The following KCNIP4 variants were observed in gnomAD, a reference collection of about 807,000 sequenced individuals.
KCNIP4 encodes the protein Kv channel-interacting protein 4.
KCNIP4 carries 12 observed loss-of-function variants against 34.0 expected under a neutral mutation model. The observed-to-expected ratio is 0.35, with a 90% CI of 0.23 to 0.57. The LOEUF (loss-of-function observed/expected upper bound fraction) is 0.57, where lower values mean the gene tolerates loss of function less well. Among genes scored for constraint, KCNIP4 ranks in the 20% least tolerant of loss-of-function variants. The pLI is 0.83. For synonymous variants in KCNIP4, 124 were observed against 102.2 expected (o/e 1.21, Z -1.29); for missense variants, 238 against 311.7 (o/e 0.76, Z 1.78).
intron 1 of KCNIP4, among the ~76,000 whole-genome samples, chr4:21,382,960 T>C (rs1454010510): frequency 6.6e-6 from 1 of 152,214 alleles, no homozygotes; most frequent in Non-Finnish European, 1.5e-5. Flanking sequence ...CCTCAGAATA[T>C]GACTGCATTT....
chr4:21,106,348 T>G (rs1748532174), intron 1 of KCNIP4, among the ~76,000 whole-genome samples: 2 of 151,782 alleles, frequency 1.3e-5, no homozygotes, highest in Admixed American at 6.5e-5. Context: ...GTCGAGGAAT[T>G]TATCCATTTC....
At chr4:21,623,728 A>G (rs1745136291) in intron 1 of KCNIP4, among the ~76,000 whole-genome samples, 1 of 151,638 alleles carries the variant, frequency 6.6e-6, no homozygotes, top group African/African-American at 2.4e-5. Flanking sequence ...TCAGAAAAGC[A>G]TTACCTGGGA....
intron 1 of KCNIP4, among the ~76,000 whole-genome samples, chr4:21,078,912 C>G (rs1004699844): frequency 6.6e-6 from 1 of 152,098 alleles, no homozygotes; most frequent in Non-Finnish European, 1.5e-5. Flanking sequence ...TGTCTAGAAA[C>G]AGCCTTCCTA....
At chr4:21,549,011 C>A (rs1301263792) in intron 1 of KCNIP4, among the ~76,000 whole-genome samples, 1 of 151,838 alleles carries the variant, frequency 6.6e-6, no homozygotes, top group African/African-American at 2.4e-5. Context: ...CTACTAGATG[C>A]TAGAAGCAGT....
At chr4:21,135,362 T>G (rs1321827132) in intron 1 of KCNIP4, among the ~76,000 whole-genome samples, 5 of 152,210 alleles carry the variant, frequency 3.3e-5, no homozygotes, top group African/African-American at 1.2e-4. Context: ...CTGATTTTAG[T>G]GAGGGTCTAT....
chr4:20,869,168 G>T (rs2011511), intron 2 of KCNIP4, among the ~76,000 whole-genome samples: 66,767 of 151,756 alleles, frequency 0.44, 16,668 homozygotes, highest in African/African-American at 0.69. Flanking sequence ...GGTATATTAG[G>T]GGGATGATTT....
chr4:21,892,068 A>G (rs1393431467), intron 1 of KCNIP4, among the ~76,000 whole-genome samples: 1 of 152,138 alleles, frequency 6.6e-6, no homozygotes, highest in East Asian at 1.9e-4. Flanking sequence ...AAATACGTAC[A>G]TGCTTACCAA....
At chr4:21,667,330 G>A (rs1051943143) in intron 1 of KCNIP4, among the ~76,000 whole-genome samples, 4 of 152,126 alleles carry the variant, frequency 2.6e-5, no homozygotes, top group Admixed American at 1.3e-4. Flanking sequence ...TCACATGTCC[G>A]TTAATTCAAA....
chr4:20,916,985 T>TTATATATATATA (rs1157104290), intron 1 of KCNIP4, among the ~76,000 whole-genome samples: 1 of 41,386 alleles, frequency 2.4e-5, no homozygotes, highest in African/African-American at 1.3e-4. Flanking sequence ...CATCTTATGT[T>TTATATATATATA]TATATATATA....
At chr4:21,604,416 C>A (rs186373748) in intron 1 of KCNIP4, among the ~76,000 whole-genome samples, 1 of 152,040 alleles carries the variant, frequency 6.6e-6, no homozygotes. Context: ...TTTTAGGAAC[C>A]AGAATTTTTA....
At chr4:21,910,865 AG>A (rs1332711001) in intron 1 of KCNIP4, among the ~76,000 whole-genome samples, 1 of 152,318 alleles carries the variant, frequency 6.6e-6, no homozygotes, top group East Asian at 1.9e-4. Flanking sequence ...TTAAGTGATT[AG>A]TATTTTTAAG....
intron 1 of KCNIP4, among the ~76,000 whole-genome samples, chr4:21,284,761 CGTGTGT>C: frequency 7.4e-6 from 1 of 134,372 alleles, no homozygotes; most frequent in East Asian, 2.1e-4. Flanking sequence ...TGTGTGTGTG[CGTGTGT>C]GTGTGTGTAG....
chr4:21,429,168 T>G (rs1726204961), intron 1 of KCNIP4, among the ~76,000 whole-genome samples: 1 of 152,216 alleles, frequency 6.6e-6, no homozygotes, highest in East Asian at 1.9e-4. Context: ...TGGCAACCAA[T>G]GAACTTTTTA....
intron 1 of KCNIP4, among the ~76,000 whole-genome samples, chr4:20,951,847 G>A (rs976093600): frequency 6.6e-6 from 1 of 152,156 alleles, no homozygotes; most frequent in African/African-American, 2.4e-5. Context: ...CAAAAACCAT[G>A]TATTCTAAAG....
intron 1 of KCNIP4, among the ~76,000 whole-genome samples, chr4:21,295,544 C>A (rs563135785): frequency 6.6e-6 from 1 of 152,254 alleles, no homozygotes; most frequent in African/African-American, 2.4e-5. Context: ...GCTACACTAG[C>A]CTGCCTGTGC....
intron 3 of KCNIP4, among the ~76,000 whole-genome samples, chr4:20,796,290 A>G (rs187517684): frequency 1.6e-3 from 251 of 152,212 alleles, no homozygotes; most frequent in African/African-American, 5.9e-3. Flanking sequence ...AGGAGCTAAA[A>G]TTGCTTTTTT....
chr4:21,413,246 G>A (rs941039728), intron 1 of KCNIP4, among the ~76,000 whole-genome samples: 1 of 152,072 alleles, frequency 6.6e-6, no homozygotes, highest in African/African-American at 2.4e-5. Flanking sequence ...TCCAAGCTCT[G>A]AGCTAAGCTA....
intron 1 of KCNIP4, among the ~76,000 whole-genome samples, chr4:21,309,267 A>T (rs1712855267): frequency 6.6e-6 from 1 of 152,152 alleles, no homozygotes. Flanking sequence ...AGTCCCAGTG[A>T]GTTGGCCTTC....
intron 1 of KCNIP4, among the ~76,000 whole-genome samples, chr4:21,325,330 GGAT>G (rs1714927265): frequency 6.6e-6 from 1 of 151,614 alleles, no homozygotes; most frequent in African/African-American, 2.4e-5. Context: ...CAATCTAGTA[GGAT>G]GTATGTGTCT....
Sources: gnomAD v4.1 joint callset for allele counts (sites outside exome capture counted in the v4.1 genomes callset) on GRCh38, gnomAD v4.1.1 for gene constraint, MANE v1.5 for transcripts, NCBI Gene and HGNC (gene_info 2026-07-23, HGNC 2026-07-21) for gene names.